The following NBPF6 variants were observed in gnomAD, a reference collection of about 807,000 sequenced individuals.
NBPF6 encodes the protein NBPF member 6, also known as NBPF family member NBPF6.
A neutral mutation model predicts 20.8 loss-of-function variants in NBPF6; 2 were observed. The ratio of observed to expected loss-of-function variants is 0.10; its 90% confidence interval spans 0.04 to 0.30. The LOEUF (loss-of-function observed/expected upper bound fraction) is 0.30. Among genes scored for constraint, NBPF6 ranks in the 10% least tolerant of loss-of-function variants. The pLI is 1.00. For synonymous variants in NBPF6, 24 were observed against 100.0 expected, an observed-to-expected ratio of 0.24 and a Z score of 4.53; for missense variants, 85 against 260.3, an observed-to-expected ratio of 0.33 and a Z score of 4.63.
At chr1:108,435,083 TG>T in the NBPF6 span, among the ~76,000 whole-genome samples, 1 of 90,574 alleles carries the variant, frequency 1.1e-5, no homozygotes, top group African/African-American at 3.4e-5. Context: ...TGAATGCTTT[TG>T]TTTTTTTGTG....
chr1:108,459,603 A>C (rs1653044715), intron 9 of NBPF6, among the ~76,000 whole-genome samples: 1 of 76,130 alleles, frequency 1.3e-5, no homozygotes, highest in Admixed American at 1.3e-4. Context: ...ATTTAAAAGA[A>C]AGGAATGAAA....
the NBPF6 span, among the ~76,000 whole-genome samples, chr1:108,437,747 A>AAAGGAAGG: frequency 1.2e-3 from 39 of 33,706 alleles, no homozygotes; most frequent in African/African-American, 3.4e-3. Context: ...GGAAGGAAGG[A>AAAGGAAGG]AAGGAAGGAA....
At chr1:108,429,593 A>G in the NBPF6 span, among the ~76,000 whole-genome samples, 4 of 147,990 alleles carry the variant, frequency 2.7e-5, no homozygotes, top group Non-Finnish European at 6.0e-5. Context: ...CCCAGGAGTC[A>G]TTCAGGAGCA....
chr1:108,441,795 T>TA, the NBPF6 span, among the ~76,000 whole-genome samples: 2 of 20,658 alleles, frequency 9.7e-5, 1 homozygote, highest in Admixed American at 1.2e-3. Flanking sequence ...GAATTGGTAA[T>TA]AAAAAACCAA....
Position 108,453,008 on chromosome 1 carries a change from GTA to G in NBPF6, c.279-159_279-158del, listed in dbSNP as rs1179619304. 3.5e-3 allele frequency among the ~76,000 whole-genome samples: 212 copies of G among 59,762 alleles called. 26 individuals carry two copies. The highest frequency in any genetic ancestry group is 0.012 in the South Asian group (32 of 2,572). The allele number at this position is 59,762 out of a possible 152,430, so 39.2% of individuals were successfully genotyped here. ...TGTGTGTGTGTGTGTGTGTGTGTGT[GTA>G]TATATATATATATTCTTCTTTCTCT... On this transcript the variant is annotated intron_variant, in intron 3 of 14. Coordinates refer to ENST00000495380, the MANE Select transcript of NBPF6 (RefSeq NM_001143988.2).
At chr1:108,448,320 A>C (rs1402527792), upstream of NBPF6, among the ~76,000 whole-genome samples, 1 of 147,568 alleles carries the variant, frequency 6.8e-6, no homozygotes, top group Non-Finnish European at 1.5e-5. Context: ...AAAAAGGCAA[A>C]AGTCTTAATG....
intron 14 of NBPF6, among the ~76,000 whole-genome samples, chr1:108,469,717 G>T: frequency 7.2e-6 from 1 of 139,836 alleles, no homozygotes. Flanking sequence ...AAATAAGTTG[G>T]GCCATGGTTA....
chr1:108,447,945 A>C (rs1304938104), upstream of NBPF6, among the ~76,000 whole-genome samples: 3 of 147,544 alleles, frequency 2.0e-5, no homozygotes, highest in South Asian at 6.3e-4. Flanking sequence ...TTAATCTCAA[A>C]ACAGAAATCA....
At chr1:108,442,435 GA>G in the NBPF6 span, among the ~76,000 whole-genome samples, 2 of 152,306 alleles carry the variant, frequency 1.3e-5, no homozygotes, top group African/African-American at 4.8e-5. Context: ...ACATTGGTAA[GA>G]GAATGAAAAG....
rs1169536914 is a variant in NBPF6 at position 108,470,592 on chromosome 1, T to G, written c.1876-5T>G. 6.4e-7 allele frequency: 1 copy of G among 1,551,304 alleles called. No individual in the cohort carries two copies. The highest frequency in any genetic ancestry group is 1.2e-5 in the South Asian group (1 of 83,978). ...TTTGATTTTTTTTCTCTCTCTCCCC[T>G]ACAGATACCAAATACTGCTGAAAGG... On this transcript the variant is annotated splice_polypyrimidine_tract_variant and splice_region_variant and intron_variant, in intron 14 of 14. Transcript: ENST00000495380.
upstream of NBPF6, among the ~76,000 whole-genome samples, chr1:108,447,986 T>A (rs1203673535): frequency 6.8e-6 from 1 of 146,844 alleles, no homozygotes; most frequent in East Asian, 2.0e-4. Flanking sequence ...GCATAAAACC[T>A]AAACCAGTGC....
chr1:108,465,159 G>T, intron 12 of NBPF6, 29 bp from the exon 13 acceptor site: 1 of 660,896 alleles, frequency 1.5e-6, no homozygotes, highest in Non-Finnish European at 2.5e-6. Context: ...AACTGAGATT[G>T]TTCCTACTGA....
Position 108,471,392 on chromosome 1 carries a change from G to A in NBPF6, c.*754G>A, listed in dbSNP as rs1189310222. On this transcript the variant is annotated 3_prime_UTR_variant, in exon 15 of 15. Transcript: ENST00000495380. ...TCCATGCTGTGAGCTTCCTACCTCA[G>A]CCCATCTGCAGGCAGAGAAGGCCCA... Among the ~76,000 whole-genome samples, 1 of 152,142 alleles carries A rather than the reference G, an allele frequency of 6.6e-6. No individual in the cohort carries two copies. The highest frequency in any genetic ancestry group is 1.5e-5 in the Non-Finnish European group (1 of 68,030).
At chr1:108,428,329 T>A in the NBPF6 span, among the ~76,000 whole-genome samples, 15 of 18,888 alleles carry the variant, frequency 7.9e-4, no homozygotes, top group South Asian at 2.1e-3. Flanking sequence ...CTTTTTTTTT[T>A]AAATTATTAT....
At chr1:108,447,762 C>T (rs1415957757), upstream of NBPF6, among the ~76,000 whole-genome samples, 1 of 139,112 alleles carries the variant, frequency 7.2e-6, no homozygotes, top group African/African-American at 2.7e-5. Context: ...AATGGTTCAG[C>T]AGGACGAGGG....
intron 14 of NBPF6, among the ~76,000 whole-genome samples, chr1:108,469,798 C>T (rs1653359302): frequency 6.7e-6 from 1 of 149,166 alleles, no homozygotes; most frequent in Admixed American, 6.6e-5. Context: ...TTCCTGATGA[C>T]CTTTGGACAA....
At chr1:108,447,787 C>G (rs577223559), upstream of NBPF6, among the ~76,000 whole-genome samples, 1 of 141,526 alleles carries the variant, frequency 7.1e-6, no homozygotes, top group Non-Finnish European at 1.6e-5. Context: ...TGCAGGATCA[C>G]GGCCAGGTCA....
upstream of NBPF6, among the ~76,000 whole-genome samples, chr1:108,448,147 A>C (rs184129825): frequency 2.5e-3 from 365 of 145,282 alleles, 31 homozygotes; most frequent in Non-Finnish European, 4.6e-3. Flanking sequence ...GTGAAGGAAG[A>C]GGACTGGATC....
chr1:108,429,586 A>T, the NBPF6 span, among the ~76,000 whole-genome samples: 142 of 147,310 alleles, frequency 9.6e-4, 1 homozygote, highest in African/African-American at 3.4e-3. Context: ...TTATATACCC[A>T]GGAGTCATTC....
Sources: gnomAD v4.1 joint callset for allele counts (sites outside exome capture counted in the v4.1 genomes callset) on GRCh38, gnomAD v4.1.1 for gene constraint, MANE v1.5 for transcripts, NCBI Gene and HGNC (gene_info 2026-07-23, HGNC 2026-07-21) for gene names.